The following XPNPEP2 variants were observed in gnomAD, a reference collection of about 807,000 sequenced individuals.
XPNPEP2 encodes the protein xaa-Pro aminopeptidase 2.
Under a neutral mutation model 59.8 loss-of-function variants are expected in XPNPEP2, and 64 were observed. That is an observed-to-expected ratio of 1.07 (90% CI 0.87 to 1.32). XPNPEP2 has a LOEUF of 1.32. XPNPEP2 is among the 40% of genes most tolerant of loss of function. XPNPEP2 has a pLI of 0.00. For missense variants in XPNPEP2, 575 were observed against 546.8 expected (o/e 1.05, Z -0.51); for synonymous variants, 235 against 210.0 (o/e 1.12, Z -1.03).
intron 8 of XPNPEP2, 152 bp from the exon 9 acceptor site, chrX:129,751,593 A>T (rs1230503140): frequency 2.2e-5 from 5 of 223,757 alleles, no homozygotes; most frequent in Non-Finnish European, 3.7e-5. Context: ...AAAGAAAGAA[A>T]GAAAGGAAGG....
intron 2 of XPNPEP2, among the ~76,000 whole-genome samples, chrX:129,742,821 G>A (rs1926220844): frequency 8.9e-6 from 1 of 112,201 alleles, no homozygotes; most frequent in South Asian, 3.7e-4. Flanking sequence ...AGAATTGCTT[G>A]AACCCAGGAA....
chrX:129,762,797 G>A, intron 19 of XPNPEP2, 27 bp downstream of exon 19: 6 of 1,175,522 alleles, frequency 5.1e-6, no homozygotes, highest in Non-Finnish European at 7.0e-6. Flanking sequence ...ATGGGCTGGA[G>A]GTGTGGGCAG....
intron 7 of XPNPEP2, chrX:129,747,979 G>T: frequency 2.2e-6 from 1 of 464,105 alleles, no homozygotes; most frequent in Non-Finnish European, 3.8e-6. Context: ...GAAAATGTTG[G>T]GTTAAAGAAT....
At chrX:129,755,601 G>A (rs1263018060) in intron 13 of XPNPEP2, among the ~76,000 whole-genome samples, 1 of 112,279 alleles carries the variant, frequency 8.9e-6, no homozygotes, top group Non-Finnish European at 1.9e-5. Flanking sequence ...AGACACCGAT[G>A]CCATTGGATG....
chrX:129,760,641 C>T (rs1926639751), intron 16 of XPNPEP2, 60 bp downstream of exon 16: 2 of 1,123,785 alleles, frequency 1.8e-6, no homozygotes, highest in Non-Finnish European at 2.4e-6. Context: ...GGACTCAGAC[C>T]ATCACCCTGG....
intron 7 of XPNPEP2, among the ~76,000 whole-genome samples, chrX:129,748,481 C>A (rs1220198772): frequency 8.9e-6 from 1 of 112,011 alleles, no homozygotes; most frequent in Admixed American, 9.5e-5. Flanking sequence ...TCTGAATGAG[C>A]CAATGAACTT....
intron 2 of XPNPEP2, among the ~76,000 whole-genome samples, chrX:129,743,598 C>T (rs917290683): frequency 2.7e-5 from 3 of 112,429 alleles, no homozygotes; most frequent in African/African-American, 9.7e-5. Context: ...TCTGGCAACC[C>T]TACCCCCAGG....
chrX:129,740,402 G>A (rs191930884), intron 1 of XPNPEP2, among the ~76,000 whole-genome samples: 9 of 112,202 alleles, frequency 8.0e-5, no homozygotes, highest in Non-Finnish European at 1.5e-4. Context: ...CATGGCAGGC[G>A]GATCACTTGA....
chrX:129,748,963 C>T (rs1359329626), intron 7 of XPNPEP2, among the ~76,000 whole-genome samples: 1 of 111,587 alleles, frequency 9.0e-6, no homozygotes, highest in Non-Finnish European at 1.9e-5. Flanking sequence ...AGAGACTTTC[C>T]AGCCACTTGC....
chrX:129,758,788 A>G (rs1926603527), intron 14 of XPNPEP2, among the ~76,000 whole-genome samples: 2 of 111,773 alleles, frequency 1.8e-5, no homozygotes, highest in African/African-American at 6.5e-5. Context: ...TGATAATATA[A>G]TCTCTCTGGA....
At position 129,750,465 on chromosome X, in the gene XPNPEP2, T is replaced by C. The variant is rs750053223; in HGVS notation, c.638-3T>C. The stretch of plus-strand genomic sequence containing the variant: ...CACTTTTTTGGGGCTCCTTTGCTTC[T>C]AGGGAGCACTTGGCAGGAGAAAGTA... On this transcript the variant is annotated splice_region_variant and splice_polypyrimidine_tract_variant and intron_variant, in intron 7 of 20. Transcript: ENST00000371106. 1.7e-6 allele frequency: 2 copies of C among 1,189,272 alleles called. No homozygotes were observed. Among genetic ancestry groups the C allele is most frequent in the Non-Finnish European group, 2.3e-6 (2 of 883,303 alleles).
chrX:129,761,417 A>T, intron 17 of XPNPEP2, 141 bp downstream of exon 17: 1 of 513,523 alleles, frequency 1.9e-6, no homozygotes, highest in South Asian at 3.4e-5. Context: ...TCCACAGGGT[A>T]AGTGAGGAAT....
intron 1 of XPNPEP2, among the ~76,000 whole-genome samples, chrX:129,739,770 G>A (rs1378343968): frequency 1.8e-5 from 2 of 112,659 alleles, no homozygotes; most frequent in Non-Finnish European, 3.8e-5. Flanking sequence ...ACTGGGTGAT[G>A]CAAGCCTGGC....
chrX:129,743,931 G>C (rs750434929), intron 2 of XPNPEP2, 30 bp from the exon 3 acceptor site: 4 of 1,165,656 alleles, frequency 3.4e-6, no homozygotes, highest in Non-Finnish European at 4.7e-6. Context: ...CTGTTTGTTT[G>C]TGTCTCAATG....
chrX:129,746,989 C>A (rs1312411576), intron 6 of XPNPEP2: 2 of 306,459 alleles, frequency 6.5e-6, no homozygotes, highest in African/African-American at 5.5e-5. Flanking sequence ...AACCCAGAAC[C>A]ATCCTCTGTG....
chrX:129,746,867 C>T (rs1926308824), intron 6 of XPNPEP2, 186 bp downstream of exon 6: 2 of 455,692 alleles, frequency 4.4e-6, no homozygotes, highest in Admixed American at 4.0e-5. Flanking sequence ...AATTAAAATA[C>T]ATTTAAAAGA....
chrX:129,745,003 G>A (rs1216823147), intron 3 of XPNPEP2, among the ~76,000 whole-genome samples, 200 bp from the exon 4 acceptor site: 1 of 111,331 alleles, frequency 9.0e-6, no homozygotes, highest in Non-Finnish European at 1.9e-5. Flanking sequence ...CAAAAGATAC[G>A]GTTGCTCAAA....
At position 129,762,013 on chromosome X, in the gene XPNPEP2, G is replaced by A; in HGVS notation, c.1611G>A (p.Val537=). The part of the protein sequence containing the change: ...GNFLCVHEWP[V]GFQSNNIAMA... ...TTATGTCTTCCTTTCTAGGGCCAGT[G>A]GGATTCCAGTCCAACAACATCGCTA... The change falls in exon 18 of 21, where the codon GTG becomes GTA. Residue 537 remains valine, a synonymous_variant. Transcript: ENST00000371106. The A allele has an allele frequency of 1.7e-6, 2 of 1,211,624 alleles. No individual in the cohort carries two copies. The highest frequency in any genetic ancestry group is 2.2e-6 in the Non-Finnish European group (2 of 895,264).
At chrX:129,747,890 G>A in intron 7 of XPNPEP2, 137 bp downstream of exon 7, 2 of 928,722 alleles carry the variant, frequency 2.2e-6, no homozygotes, top group African/African-American at 1.9e-5. Flanking sequence ...GAGTCACCTG[G>A]GATGCTTGTT....
Sources: allele counts gnomAD v4.1 joint callset (sites outside exome capture counted in the v4.1 genomes callset), GRCh38; gene constraint gnomAD v4.1.1; transcripts MANE v1.5; gene names NCBI Gene and HGNC (gene_info 2026-07-23, HGNC 2026-07-21).